Variants in ITGA9 observed in about 807,000 individuals in gnomAD.
ITGA9 encodes the protein integrin subunit alpha 9, also known as integrin alpha-9.
A neutral mutation model predicts 127.8 loss-of-function variants in ITGA9; 56 were observed. The observed-to-expected ratio is 0.44, with a 90% CI of 0.35 to 0.55. The LOEUF (loss-of-function observed/expected upper bound fraction) is 0.55. Among genes scored for constraint, ITGA9 ranks in the 20% least tolerant of loss-of-function variants. ITGA9 has a pLI of 0.00. For synonymous variants in ITGA9, 508 were observed against 514.5 expected (o/e 0.99, Z 0.17); for missense variants, 1,196 against 1,347.1 (o/e 0.89, Z 1.76).
chr3:37,804,020 G>T (rs1697265944), intron 27 of ITGA9, 78 bp downstream of exon 27: 1 of 1,605,412 alleles, frequency 6.2e-7, no homozygotes. Context: ...AGGGAAGAAG[G>T]AGTATCCTGT....
At chr3:37,760,738 ATCTT>A (rs1290297889) in intron 23 of ITGA9, among the ~76,000 whole-genome samples, 3 of 152,230 alleles carry the variant, frequency 2.0e-5, no homozygotes, top group Non-Finnish European at 4.4e-5. Flanking sequence ...TATTTTCATA[ATCTT>A]TAGATGGGAA....
At chr3:37,750,169 A>T (rs1294902510) in intron 22 of ITGA9, among the ~76,000 whole-genome samples, 1 of 152,234 alleles carries the variant, frequency 6.6e-6, no homozygotes, top group African/African-American at 2.4e-5. Context: ...GTCTATGAGT[A>T]AATTCCTATG....
chr3:37,466,799 G>A (rs1036571850), intron 1 of ITGA9, among the ~76,000 whole-genome samples: 4 of 152,230 alleles, frequency 2.6e-5, no homozygotes, highest in Middle Eastern at 3.2e-3. Flanking sequence ...AAGCAGAGAA[G>A]TAGCTTGATG....
intron 15 of ITGA9, among the ~76,000 whole-genome samples, chr3:37,560,058 C>T (rs542437938): frequency 6.6e-6 from 1 of 152,176 alleles, no homozygotes; most frequent in Non-Finnish European, 1.5e-5. Flanking sequence ...GCCATCAACT[C>T]ATCATTTACA....
At chr3:37,797,198 G>GGTGT (rs1559601656) in intron 26 of ITGA9, among the ~76,000 whole-genome samples, 1 of 152,114 alleles carries the variant, frequency 6.6e-6, no homozygotes, top group Non-Finnish European at 1.5e-5. Context: ...TGGCTGTGGT[G>GGTGT]GTGTTTGCCT....
chr3:37,543,033 A>T (rs1699290346), intron 15 of ITGA9, among the ~76,000 whole-genome samples: 1 of 152,076 alleles, frequency 6.6e-6, no homozygotes, highest in Non-Finnish European at 1.5e-5. Context: ...GTTGGACTAG[A>T]TTCTTCCCCC....
Position 37,473,475 on chromosome 3 carries a change from G to T in ITGA9, c.420+15G>T, listed in dbSNP as rs753899657. The T allele has an allele frequency of 2.5e-6, 4 of 1,588,896 alleles. No homozygotes were observed. The East Asian group carries it at 9.0e-5, about 36-fold the overall frequency. ...GCCGTGTGTTGGTAAGTCCCTCCTG[G>T]GGGTGCTGTGGGAAGGGGGTGGCAC... On this transcript the variant is annotated intron_variant, in intron 3 of 27. Transcript: ENST00000264741.
chr3:37,501,822 A>G (rs1698789676), intron 5 of ITGA9, among the ~76,000 whole-genome samples: 1 of 152,224 alleles, frequency 6.6e-6, no homozygotes, highest in Non-Finnish European at 1.5e-5. Flanking sequence ...GAAGACCAGA[A>G]TTAGTTTAGA....
chr3:37,655,818 T>C (rs1456619291), intron 17 of ITGA9, among the ~76,000 whole-genome samples: 1 of 152,210 alleles, frequency 6.6e-6, no homozygotes, highest in Non-Finnish European at 1.5e-5. Flanking sequence ...AGAGTTTTTA[T>C]GGTTTTAGGT....
chr3:37,593,401 A>G (rs1156508120), intron 15 of ITGA9, among the ~76,000 whole-genome samples: 4 of 152,202 alleles, frequency 2.6e-5, no homozygotes, highest in Admixed American at 6.5e-5. Flanking sequence ...AGGGCTGACT[A>G]TCCCATAAAT....
chr3:37,588,481 G>A (rs1699781871), intron 15 of ITGA9, among the ~76,000 whole-genome samples: 1 of 152,212 alleles, frequency 6.6e-6, no homozygotes, highest in African/African-American at 2.4e-5. Flanking sequence ...ACTTTACAGT[G>A]CAGGGGACAA....
chr3:37,526,838 C>T (rs969471972), intron 13 of ITGA9, among the ~76,000 whole-genome samples: 5 of 152,200 alleles, frequency 3.3e-5, no homozygotes, highest in African/African-American at 1.2e-4. Context: ...AGTTCCACAC[C>T]CCAGATCCTT....
intron 15 of ITGA9, among the ~76,000 whole-genome samples, chr3:37,543,577 A>G (rs142223722): frequency 6.6e-6 from 1 of 152,330 alleles, no homozygotes; most frequent in Non-Finnish European, 1.5e-5. Flanking sequence ...TATAATTGCC[A>G]ATATTCTTTT....
Position 37,688,659 on chromosome 3 carries a change from C to A in ITGA9, c.2067+4644C>A, listed in dbSNP as rs534140398. Among the ~76,000 whole-genome samples the A allele has an allele frequency of 8.5e-5, 13 of 152,278 alleles. No individual in the cohort carries two copies. In the South Asian group the frequency reaches 2.7e-3, roughly 32 times the overall value. On this transcript the variant is annotated intron_variant, in intron 18 of 27. Transcript: ENST00000264741. Reference sequence around the variant, plus strand: ...CCCACATACTCACTTGAATCAGTCGCCACTTAATACCAAAGCTGCCTTTAC... The same window carrying A: ...CCCACATACTCACTTGAATCAGTCGACACTTAATACCAAAGCTGCCTTTAC...
intron 17 of ITGA9, among the ~76,000 whole-genome samples, chr3:37,670,395 C>T (rs926022310): frequency 6.6e-6 from 1 of 152,204 alleles, no homozygotes; most frequent in East Asian, 1.9e-4. Context: ...CTACCACTCA[C>T]CTTCCCATAG....
At chr3:37,763,460 C>T (rs1400368172) in intron 23 of ITGA9, among the ~76,000 whole-genome samples, 1 of 152,192 alleles carries the variant, frequency 6.6e-6, no homozygotes, top group East Asian at 1.9e-4. Context: ...CCCATGCTGC[C>T]GTTGTGTGGG....
intron 14 of ITGA9, 55 bp from the exon 15 acceptor site, chr3:37,542,370 C>T: frequency 1.3e-6 from 2 of 1,590,500 alleles, no homozygotes; most frequent in Non-Finnish European, 1.7e-6. Context: ...AAAGAGGTGG[C>T]CTCATCACAG....
At position 37,685,384 on chromosome 3, in the gene ITGA9, A is replaced by G. The variant is rs539582937; in HGVS notation, c.2067+1369A>G. On this transcript the variant is annotated intron_variant, in intron 18 of 27. Transcript: ENST00000264741. ...AGGGTTGAGGGAGGCCACAAAAGCA[A>G]TCAAGGACTGCAGGAGGGGTGTGCT... Among the ~76,000 whole-genome samples, 45 of 152,322 alleles carry G rather than the reference A, an allele frequency of 3.0e-4. 1 individual carries two copies. The highest frequency in any genetic ancestry group is 1.0e-3 in the African/African-American group (42 of 41,574).
chr3:37,463,148 G>A (rs1380199385), intron 1 of ITGA9, among the ~76,000 whole-genome samples: 1 of 152,244 alleles, frequency 6.6e-6, no homozygotes, highest in Non-Finnish European at 1.5e-5. Context: ...TGGATAATTG[G>A]TTTGGACTTA....
Sources: gnomAD v4.1 joint callset for allele counts (sites outside exome capture counted in the v4.1 genomes callset) on GRCh38, gnomAD v4.1.1 for gene constraint, MANE v1.5 for transcripts, NCBI Gene and HGNC (gene_info 2026-07-23, HGNC 2026-07-21) for gene names.